ATXN1: variants seen among roughly 807,000 people sequenced by gnomAD.
ATXN1 encodes the protein ataxin-1.
In ATXN1, 8 loss-of-function variants were observed where a neutral mutation model predicts 56.4. The observed-to-expected ratio is 0.14, with a 90% confidence interval of 0.08 to 0.26. ATXN1 has a LOEUF of 0.26. ATXN1 is among the 10% of genes least tolerant of loss of function. ATXN1 has a pLI of 1.00. For synonymous variants in ATXN1, 514 were observed against 494.6 expected, an observed-to-expected ratio of 1.04 and a Z score of -0.52; for missense variants, 987 against 1,106.5, an observed-to-expected ratio of 0.89 and a Z score of 1.53.
chr6:16,548,794 A>ATG (rs1471744363), intron 4 of ATXN1, among the ~76,000 whole-genome samples: 1 of 152,040 alleles, frequency 6.6e-6, no homozygotes, highest in Non-Finnish European at 1.5e-5. Flanking sequence ...GTGGTGGTGC[A>ATG]TGCCTGTAAT....
At chr6:16,574,810 G>T (rs1762393830) in intron 4 of ATXN1, among the ~76,000 whole-genome samples, 1 of 147,104 alleles carries the variant, frequency 6.8e-6, no homozygotes. Context: ...ACCAGTTTTT[G>T]CACCAAACAG....
chr6:16,703,690 G>C (rs917646698), intron 2 of ATXN1, among the ~76,000 whole-genome samples: 1 of 152,176 alleles, frequency 6.6e-6, no homozygotes, highest in Non-Finnish European at 1.5e-5. Context: ...CATCTATGGT[G>C]AATGTACTTA....
At chr6:16,734,795 T>TA (rs1760075087) in intron 2 of ATXN1, among the ~76,000 whole-genome samples, 1 of 152,160 alleles carries the variant, frequency 6.6e-6, no homozygotes, top group South Asian at 2.1e-4. Flanking sequence ...TGCCTAGTCT[T>TA]AAAAATATTT....
At chr6:16,683,916 T>C (rs539926601) in intron 2 of ATXN1, among the ~76,000 whole-genome samples, 10 of 152,244 alleles carry the variant, frequency 6.6e-5, no homozygotes, top group Non-Finnish European at 1.2e-4. Flanking sequence ...GAGCTGTCAG[T>C]GCCTCCAGCA....
chr6:16,415,632 G>A (rs1386704901), intron 6 of ATXN1, among the ~76,000 whole-genome samples: 1 of 152,230 alleles, frequency 6.6e-6, no homozygotes, highest in Admixed American at 6.5e-5. Flanking sequence ...AAAGGGACCT[G>A]TGAGTGAGTC....
intron 2 of ATXN1, among the ~76,000 whole-genome samples, chr6:16,683,685 T>C (rs1335733908): frequency 2.0e-5 from 3 of 152,200 alleles, no homozygotes; most frequent in African/African-American, 7.2e-5. Context: ...AGTGCTCTGT[T>C]TGTAACTTTG....
chr6:16,617,773 A>AAAAAAAAAG (rs1554120380), intron 3 of ATXN1, among the ~76,000 whole-genome samples: 19 of 146,736 alleles, frequency 1.3e-4, no homozygotes, highest in African/African-American at 3.6e-4. Flanking sequence ...TCTCAAAAAA[A>AAAAAAAAAG]AAAAAAAAAG....
At chr6:16,383,898 T>A (rs1758185973) in intron 6 of ATXN1, among the ~76,000 whole-genome samples, 1 of 152,216 alleles carries the variant, frequency 6.6e-6, no homozygotes, top group Admixed American at 6.5e-5. Flanking sequence ...AAAGGAATTA[T>A]CCGTGTAAAG....
chr6:16,496,172 G>C (rs1270242070), intron 5 of ATXN1, among the ~76,000 whole-genome samples: 1 of 152,120 alleles, frequency 6.6e-6, no homozygotes, highest in Non-Finnish European at 1.5e-5. Flanking sequence ...GACTCAATCA[G>C]AACAAAGTAT....
At chr6:16,321,206 T>C (rs749358286) in intron 7 of ATXN1, among the ~76,000 whole-genome samples, 5 of 152,158 alleles carry the variant, frequency 3.3e-5, no homozygotes, top group Non-Finnish European at 7.3e-5. Context: ...GCCCCATCCT[T>C]CTTTTGAGTT....
rs376978634 is a variant in ATXN1, at chr6:16,306,782, G to T, written c.1995C>A (p.Thr665=). 18 of 1,614,064 alleles carry T rather than the reference G, an allele frequency of 1.1e-5. No homozygotes were observed. In the African/African-American group the frequency reaches 2.3e-4, roughly 20 times the overall value. The change falls in exon 8 of 8, where the codon ACC becomes ACA. Residue 665 remains threonine (T), a synonymous_variant. Coordinates refer to ENST00000436367, the MANE Select transcript of ATXN1 (RefSeq NM_001128164.2). This position sits in a 1 kb window ranked among gnomAD's most constrained non-coding sequence, Gnocchi z 5.2. ...QGWSSCCPER[T]SQLFDLPCSK... ...AACACGGCAAATCAAAGAGCTGGCT[G>T]GTTCTCTCCGGACAGCAGGATGACC... is the stretch of plus-strand genomic sequence containing the variant.
At chr6:16,490,762 T>C (rs1329307823) in intron 5 of ATXN1, among the ~76,000 whole-genome samples, 2 of 152,188 alleles carry the variant, frequency 1.3e-5, no homozygotes, top group African/African-American at 2.4e-5. Context: ...GCCTGGAAGA[T>C]GGACATATGA....
intron 5 of ATXN1, among the ~76,000 whole-genome samples, chr6:16,491,593 G>A (rs756653364): frequency 7.9e-5 from 12 of 152,076 alleles, no homozygotes; most frequent in East Asian, 7.7e-4. Context: ...CATGGCGCCC[G>A]GCCTGATCCC....
chr6:16,600,321 C>T (rs1388097364), intron 3 of ATXN1, among the ~76,000 whole-genome samples: 1 of 152,200 alleles, frequency 6.6e-6, no homozygotes, highest in African/African-American at 2.4e-5. Context: ...CAACACATCA[C>T]TGATTACATT....
chr6:16,627,371 C>T (rs2237170), intron 3 of ATXN1, among the ~76,000 whole-genome samples: 28,539 of 152,110 alleles, frequency 0.19, 2,852 homozygotes, highest in East Asian at 0.34. Context: ...GGCAGTAGGC[C>T]TCCCAAACAC....
chr6:16,532,517 A>G (rs1011675470), intron 4 of ATXN1, among the ~76,000 whole-genome samples: 2 of 152,206 alleles, frequency 1.3e-5, no homozygotes, highest in African/African-American at 4.8e-5. Flanking sequence ...CTTGAGCAAC[A>G]ACAAAAAACA....
At chr6:16,500,100 T>C (rs919584058) in intron 5 of ATXN1, among the ~76,000 whole-genome samples, 5 of 152,236 alleles carry the variant, frequency 3.3e-5, no homozygotes, top group Admixed American at 6.5e-5. Context: ...TCTTGTCACC[T>C]TGCACCACTT....
intron 2 of ATXN1, among the ~76,000 whole-genome samples, chr6:16,747,845 G>A (rs1342417009): frequency 1.3e-5 from 2 of 152,196 alleles, no homozygotes; most frequent in East Asian, 3.9e-4. Context: ...CAGGGGCAGA[G>A]GGGATGTGAG....
In ATXN1 at chr6:16,300,081, A is replaced by G. The variant is rs1313825693; in HGVS notation, c.*6248T>C. 1.3e-5 allele frequency: 2 copies of G among 152,776 alleles called. No individual in the cohort carries two copies. Among genetic ancestry groups the G allele is most frequent in the East Asian group, 1.9e-4 (1 of 5,188 alleles). 9.5% of individuals were successfully genotyped at this position (152,776 alleles called of 1,614,324 possible). A position where few individuals can be genotyped will look rare whatever the true frequency, so the allele number is the denominator to read the frequency against. The stretch of plus-strand genomic sequence containing the variant: ...ATCTTGGTAAGGATTACTGTAAACA[A>G]CACTTCCAACGAAGGCCTTCAGATT... On this transcript the variant is annotated 3_prime_UTR_variant, in exon 8 of 8. Transcript: ENST00000436367.
Sources: gnomAD v4.1 joint callset for allele counts (sites outside exome capture counted in the v4.1 genomes callset) on GRCh38, gnomAD v4.1.1 for gene constraint, Gnocchi (gnomAD v3.1) non-coding constraint, MANE v1.5 for transcripts, NCBI Gene and HGNC (gene_info 2026-07-23, HGNC 2026-07-21) for gene names.